The following ITGBL1 variants were observed in gnomAD, a reference collection of about 807,000 sequenced individuals.
ITGBL1 encodes integrin subunit beta like 1, also known as integrin beta-like protein 1.
Under a neutral mutation model 68.5 loss-of-function variants are expected in ITGBL1, and 51 were observed. The ratio of observed to expected loss-of-function variants is 0.74; its 90% CI spans 0.59 to 0.94. The LOEUF is 0.94. Ranked by LOEUF, ITGBL1 falls within the 40% of genes least tolerant of loss-of-function variation. The pLI is 0.00. For missense variants in ITGBL1, 649 were observed against 647.4 expected, an observed-to-expected ratio of 1.00 and a Z score of -0.03; for synonymous variants, 209 against 227.3, an observed-to-expected ratio of 0.92 and a Z score of 0.72.
At chr13:101,644,724 AG>A (rs938906729) in intron 7 of ITGBL1, among the ~76,000 whole-genome samples, 9 of 152,198 alleles carry the variant, frequency 5.9e-5, no homozygotes, top group African/African-American at 1.4e-4. Context: ...AATTTGTCTA[AG>A]AAAAATCCAG....
At chr13:101,485,482 A>G (rs181014301) in intron 2 of ITGBL1, among the ~76,000 whole-genome samples, 30 of 152,318 alleles carry the variant, frequency 2.0e-4, no homozygotes, top group African/African-American at 7.0e-4. Flanking sequence ...CTAAAACCTC[A>G]GTGAGATACT....
chr13:101,464,770 ATATATATGTGTGTTTG>A (rs1268679449), intron 2 of ITGBL1, among the ~76,000 whole-genome samples: 2 of 152,168 alleles, frequency 1.3e-5, no homozygotes, highest in African/African-American at 2.4e-5. Flanking sequence ...ACAAACATAC[ATATATATGTGTGTTTG>A]TATATATGTG....
At chr13:101,665,280 T>C (rs559284685) in intron 7 of ITGBL1, among the ~76,000 whole-genome samples, 107 of 152,236 alleles carry the variant, frequency 7.0e-4, no homozygotes, top group African/African-American at 2.4e-3. Context: ...ATAGCCTTCC[T>C]TTTTATTTGT....
chr13:101,604,877 T>TACACACACACACACAC (rs1298257111), intron 7 of ITGBL1, among the ~76,000 whole-genome samples: 6 of 21,690 alleles, frequency 2.8e-4, no homozygotes, highest in South Asian at 3.1e-3. Context: ...TATATATATA[T>TACACACACACACACAC]ATATATATAT....
chr13:101,508,989 CAAAAA>C (rs1194018899), intron 2 of ITGBL1, among the ~76,000 whole-genome samples: 1 of 151,820 alleles, frequency 6.6e-6, no homozygotes, highest in Non-Finnish European at 1.5e-5. Flanking sequence ...AAATCACAAA[CAAAAA>C]AGAAAAGAAA....
At position 101,560,302 on chromosome 13, in the gene ITGBL1, C is replaced by A. The variant is rs1462793219; in HGVS notation, c.317-7397C>A. Among the ~76,000 whole-genome samples the A allele has an allele frequency of 3.9e-5, 6 of 152,120 alleles. No homozygotes were observed. The East Asian group carries it at 9.6e-4, about 24-fold the overall frequency. ...ATACACTGGAAAATAGGACACAAAACAGGTTTTTGGAATTTACATATTTGA... is the reference window on the plus strand; with the variant it reads ...ATACACTGGAAAATAGGACACAAAAAAGGTTTTTGGAATTTACATATTTGA... On this transcript the variant is annotated intron_variant, in intron 2 of 10. Transcript: ENST00000376180.
At chr13:101,692,255 A>C (rs1444132442) in intron 7 of ITGBL1, among the ~76,000 whole-genome samples, 1 of 152,222 alleles carries the variant, frequency 6.6e-6, no homozygotes, top group Non-Finnish European at 1.5e-5. Flanking sequence ...TGTTATGTTC[A>C]AGGAATCATC....
rs749472473 is a variant in ITGBL1, at chr13:101,579,384, G to A, written c.684G>A (p.Lys228=). 5 of 1,613,900 alleles carry A rather than the reference G, an allele frequency of 3.1e-6. No homozygotes were observed. The South Asian group carries it at 3.3e-5, about 11-fold the overall frequency. The change falls in exon 5 of 11, where the codon AAG becomes AAA. Residue 228 remains lysine, a synonymous_variant. Transcript: ENST00000376180. Reference sequence around the variant, plus strand: ...GCGATATCACCCCCTGGGAAAGCAAGCGAAGATGCACGTCTCCAGATGGCA... The same window carrying A: ...GCGATATCACCCCCTGGGAAAGCAAACGAAGATGCACGTCTCCAGATGGCA... The part of the protein sequence containing the change: ...FQCDITPWES[K]RRCTSPDGKI...
intron 2 of ITGBL1, among the ~76,000 whole-genome samples, chr13:101,550,789 A>G (rs1419768169): frequency 1.3e-5 from 2 of 152,178 alleles, no homozygotes; most frequent in Non-Finnish European, 2.9e-5. Context: ...TGCAAAGGAA[A>G]TATTTCTTTT....
intron 7 of ITGBL1, among the ~76,000 whole-genome samples, chr13:101,601,421 G>A (rs1350385033): frequency 1.3e-5 from 2 of 151,988 alleles, no homozygotes; most frequent in South Asian, 4.2e-4. Flanking sequence ...AGGGTTTTTT[G>A]TGTCTCTATT....
At chr13:101,599,620 G>A (rs1451731838) in intron 7 of ITGBL1, among the ~76,000 whole-genome samples, 1 of 152,098 alleles carries the variant, frequency 6.6e-6, no homozygotes, top group African/African-American at 2.4e-5. Flanking sequence ...TGTATAAGGT[G>A]TAAGGAAGGG....
At chr13:101,544,940 T>G (rs9919847) in intron 2 of ITGBL1, among the ~76,000 whole-genome samples, 201 of 152,316 alleles carry the variant, frequency 1.3e-3, no homozygotes, top group African/African-American at 4.4e-3. Flanking sequence ...ATTTTCCAGG[T>G]GCTGTCTTTT....
At chr13:101,681,648 G>T (rs192879212) in intron 7 of ITGBL1, among the ~76,000 whole-genome samples, 25 of 152,230 alleles carry the variant, frequency 1.6e-4, no homozygotes, top group Admixed American at 1.5e-3. Flanking sequence ...ACCTTAAAGC[G>T]AGAAAATCAA....
At chr13:101,474,401 C>A (rs1352296313) in intron 2 of ITGBL1, among the ~76,000 whole-genome samples, 1 of 152,166 alleles carries the variant, frequency 6.6e-6, no homozygotes, top group African/African-American at 2.4e-5. Context: ...CAAGTCACAG[C>A]AGAACAGTGC....
chr13:101,711,342 T>A (rs1218838442), intron 9 of ITGBL1: 1 of 152,264 alleles, frequency 6.6e-6, no homozygotes, highest in Non-Finnish European at 1.5e-5. Context: ...GGGTCCCACA[T>A]CTTCCAAAGA....
chr13:101,530,921 G>C (rs1212997952), intron 2 of ITGBL1, among the ~76,000 whole-genome samples: 1 of 152,136 alleles, frequency 6.6e-6, no homozygotes, highest in Non-Finnish European at 1.5e-5. Context: ...GTGTCTGGTT[G>C]GGTCTAGATT....
chr13:101,504,767 C>T (rs992880779), intron 2 of ITGBL1, among the ~76,000 whole-genome samples: 1 of 152,176 alleles, frequency 6.6e-6, no homozygotes, highest in Non-Finnish European at 1.5e-5. Flanking sequence ...CTGGCTGACT[C>T]ACTGCTATGA....
intron 2 of ITGBL1, among the ~76,000 whole-genome samples, chr13:101,549,465 A>G (rs191420977): frequency 1.3e-4 from 19 of 152,000 alleles, no homozygotes; most frequent in Admixed American, 1.0e-3. Context: ...GAAAAATGCC[A>G]TTTATTAAAA....
chr13:101,485,665 G>A lies in ITGBL1; in HGVS notation c.316+31565G>A, dbSNP rs546154634. On this transcript the variant is annotated intron_variant, in intron 2 of 10. Coordinates refer to ENST00000376180, the MANE Select transcript of ITGBL1 (RefSeq NM_004791.3). ...AAATTACCTGGGCGTGGTGGCAGGC[G>A]CCCGTAGTCCCAGCTGCTTGGGAGG... Among the ~76,000 whole-genome samples the A allele has an allele frequency of 3.9e-5, 6 of 152,144 alleles. No individual in the cohort carries two copies. In the South Asian group the frequency reaches 8.3e-4, roughly 21 times the overall value.
Sources: allele counts gnomAD v4.1 joint callset (sites outside exome capture counted in the v4.1 genomes callset), GRCh38; gene constraint gnomAD v4.1.1; transcripts MANE v1.5; gene names NCBI Gene and HGNC (gene_info 2026-07-23, HGNC 2026-07-21).